Variants in GNPDA2 observed in about 807,000 individuals in gnomAD.
The protein encoded by GNPDA2 is glucosamine-6-phosphate deaminase 2.
GNPDA2 carries 24 observed loss-of-function variants against 27.0 expected under a neutral mutation model. That is an observed-to-expected ratio of 0.89 (90% CI 0.64 to 1.25). The LOEUF is 1.25. Ranked by LOEUF, GNPDA2 falls within the 50% of genes most tolerant of loss-of-function variation. The pLI is 0.00. For missense variants in GNPDA2, 286 were observed against 335.1 expected, an observed-to-expected ratio of 0.85 and a Z score of 1.14; for synonymous variants, 94 against 108.4, an observed-to-expected ratio of 0.87 and a Z score of 0.83.
chr4:44,715,695 G>C (rs1717244354), intron 4 of GNPDA2, among the ~76,000 whole-genome samples: 1 of 151,884 alleles, frequency 6.6e-6, no homozygotes, highest in African/African-American at 2.4e-5. Flanking sequence ...ATGTTCTCTA[G>C]GATTACTGAA....
At chr4:44,714,095 C>A (rs1007293362) in intron 4 of GNPDA2, among the ~76,000 whole-genome samples, 1 of 152,058 alleles carries the variant, frequency 6.6e-6, no homozygotes, top group Non-Finnish European at 1.5e-5. Context: ...CCTCAGCCTC[C>A]CGAGTAGCTG....
intron 6 of GNPDA2, chr4:44,704,577 G>A: frequency 5.4e-6 from 4 of 746,122 alleles, no homozygotes; most frequent in Non-Finnish European, 4.9e-6. Context: ...TCTATTAATT[G>A]CTTTTTAGAT....
At chr4:44,718,737 C>G (rs1010684242) in intron 2 of GNPDA2, among the ~76,000 whole-genome samples, 1 of 151,566 alleles carries the variant, frequency 6.6e-6, no homozygotes, top group Non-Finnish European at 1.5e-5. Flanking sequence ...ATCTCCCTTT[C>G]TGAAAAAAAA....
chr4:44,722,902 C>A (rs1193907943), intron 1 of GNPDA2, among the ~76,000 whole-genome samples: 1 of 152,098 alleles, frequency 6.6e-6, no homozygotes, highest in Non-Finnish European at 1.5e-5. Context: ...TAAGGTCACA[C>A]AGGTAGTAAG....
chr4:44,701,867 A>C lies in GNPDA2; in HGVS notation c.*1214T>G, dbSNP rs1230179892. 1 of 980,392 alleles carries C rather than the reference A, an allele frequency of 1.0e-6. No individual in the cohort carries two copies. The highest frequency in any genetic ancestry group is 1.2e-6 in the Non-Finnish European group (1 of 825,564). The allele number at this position is 980,392 out of a possible 1,614,324, so 60.7% of individuals were successfully genotyped here. A position where few individuals can be genotyped will look rare whatever the true frequency, so the allele number is the denominator to read the frequency against. On this transcript the variant is annotated 3_prime_UTR_variant, in exon 7 of 7. Coordinates refer to ENST00000295448, the MANE Select transcript of GNPDA2 (RefSeq NM_138335.3). Reference sequence around the variant, plus strand: ...CTTTTAACCATAAAACCCTATTACCAATTTTATTTCATTAATTTATTTGCT... The same window carrying C: ...CTTTTAACCATAAAACCCTATTACCCATTTTATTTCATTAATTTATTTGCT...
intron 1 of GNPDA2, among the ~76,000 whole-genome samples, chr4:44,724,715 A>G (rs1166833332): frequency 1.3e-5 from 2 of 152,242 alleles, no homozygotes; most frequent in Non-Finnish European, 2.9e-5. Flanking sequence ...TTATTAAAAT[A>G]AATGTATGGA....
intron 1 of GNPDA2, among the ~76,000 whole-genome samples, chr4:44,723,587 G>A (rs553086505): frequency 1.8e-4 from 28 of 152,080 alleles, no homozygotes; most frequent in Admixed American, 3.3e-4. Context: ...GCTGAATTTC[G>A]CGGTGTATAT....
At chr4:44,704,370 T>A in intron 6 of GNPDA2, 1 of 951,432 alleles carries the variant, frequency 1.1e-6, no homozygotes, top group Non-Finnish European at 1.3e-6. Context: ...TTTTTCTACT[T>A]AAATAGTATT....
chr4:44,709,685 A>G (rs988841074), intron 5 of GNPDA2, among the ~76,000 whole-genome samples: 5 of 151,944 alleles, frequency 3.3e-5, no homozygotes, highest in African/African-American at 9.7e-5. Flanking sequence ...ACAAAAATCT[A>G]TAAGCTCATA....
At chr4:44,707,486 AAG>A in intron 6 of GNPDA2, 1 of 437,408 alleles carries the variant, frequency 2.3e-6, no homozygotes, top group Non-Finnish European at 4.0e-6. Flanking sequence ...TTCAATATGA[AAG>A]TAAATTATTA....
chr4:44,705,551 A>G, intron 6 of GNPDA2: 1 of 702,436 alleles, frequency 1.4e-6, no homozygotes, highest in Non-Finnish European at 1.7e-6. Context: ...CTAAATACAT[A>G]TAAACATCTA....
intron 6 of GNPDA2, chr4:44,705,518 T>C: frequency 2.1e-6 from 2 of 967,056 alleles, no homozygotes; most frequent in Non-Finnish European, 2.5e-6. Context: ...CAGAAGAGCT[T>C]ACAATTAGAT....
chr4:44,713,061 G>A lies in GNPDA2; in HGVS notation c.410-1924C>T, dbSNP rs548672948. Among the ~76,000 whole-genome samples the A allele has an allele frequency of 1.3e-3, 202 of 152,264 alleles. 1 individual carries two copies. In the South Asian group the frequency reaches 0.017, roughly 13 times the overall value. ...TAGAATAACAAGTGACACATAGGACGCACTTATTAAATAATGGCTGGATAA... is the reference window on the plus strand; with the variant it reads ...TAGAATAACAAGTGACACATAGGACACACTTATTAAATAATGGCTGGATAA... On this transcript the variant is annotated intron_variant, in intron 4 of 6. Coordinates refer to ENST00000295448, the MANE Select transcript of GNPDA2 (RefSeq NM_138335.3).
At chr4:44,707,262 C>G (rs1577581842) in intron 6 of GNPDA2, 1 of 154,950 alleles carries the variant, frequency 6.5e-6, no homozygotes, top group African/African-American at 2.4e-5. Context: ...ACTATTTTAA[C>G]ATTTAGACAT....
chr4:44,705,427 G>A, intron 6 of GNPDA2: 2 of 984,998 alleles, frequency 2.0e-6, no homozygotes, highest in Non-Finnish European at 2.4e-6. Flanking sequence ...CAGAAATACA[G>A]ACAGCTCCAA....
chr4:44,723,767 G>C (rs7672031), intron 1 of GNPDA2, among the ~76,000 whole-genome samples: 1 of 151,988 alleles, frequency 6.6e-6, no homozygotes, highest in East Asian at 1.9e-4. Flanking sequence ...ATGAAGCAGC[G>C]AAAGCAGGGA....
At chr4:44,714,525 A>G (rs958149821) in intron 4 of GNPDA2, 1 of 985,214 alleles carries the variant, frequency 1.0e-6, no homozygotes, top group African/African-American at 1.7e-5. Context: ...ACTGTTTCCA[A>G]TTCAAAGGGC....
chr4:44,712,545 A>G (rs889866105), intron 4 of GNPDA2, among the ~76,000 whole-genome samples: 4 of 152,116 alleles, frequency 2.6e-5, no homozygotes, highest in African/African-American at 9.7e-5. Context: ...ATATATATTA[A>G]TTATAGACAT....
chr4:44,703,273 AT>A, intron 6 of GNPDA2, 131 bp from the exon 7 acceptor site: 3 of 1,411,440 alleles, frequency 2.1e-6, no homozygotes, highest in Non-Finnish European at 2.8e-6. Flanking sequence ...AGTCAAGTTT[AT>A]TGAAAAAGTA....
Sources: allele counts gnomAD v4.1 joint callset (sites outside exome capture counted in the v4.1 genomes callset), GRCh38; gene constraint gnomAD v4.1.1; transcripts MANE v1.5; gene names NCBI Gene and HGNC (gene_info 2026-07-23, HGNC 2026-07-21).